Variants in AGXT2 observed in about 807,000 individuals in gnomAD.
AGXT2 encodes alanine--glyoxylate aminotransferase 2, mitochondrial.
In AGXT2, 61 loss-of-function variants were observed where a neutral mutation model predicts 62.5. The observed-to-expected ratio is 0.98, with a 90% CI of 0.79 to 1.21. AGXT2 has a LOEUF of 1.21. Among genes scored for constraint, AGXT2 ranks in the 50% most tolerant of loss-of-function variants. The pLI is 0.00. For synonymous variants in AGXT2, 243 were observed against 218.7 expected (o/e 1.11, Z -0.98); for missense variants, 666 against 641.5 (o/e 1.04, Z -0.41).
intron 3 of AGXT2, among the ~76,000 whole-genome samples, chr5:35,038,813 C>G (rs910547181): frequency 1.3e-5 from 2 of 152,202 alleles, no homozygotes; most frequent in Non-Finnish European, 2.9e-5. Context: ...TGCAGACAAT[C>G]TCTAGATTAA....
Position 34,998,573 on chromosome 5 carries a change from GT to G in AGXT2, c.*145del. 1 of 680,450 alleles carries G rather than the reference GT, an allele frequency of 1.5e-6. No individual in the cohort carries two copies. The highest frequency in any genetic ancestry group is 2.7e-5 in the East Asian group (1 of 37,108). 42.2% of individuals were successfully genotyped at this position (680,450 alleles called of 1,614,324 possible). ...GGGGCTCTGCTAACAAATATGGTTG[GT>G]AGGCAGTCAACCATGACTTTTACAG... is the stretch of plus-strand genomic sequence containing the variant. On this transcript the variant is annotated 3_prime_UTR_variant, in exon 14 of 14. Transcript: ENST00000231420.
rs761563619 is a variant in AGXT2 at position 35,010,110 on chromosome 5, C to A, written c.1228G>T (p.Val410Phe). 13 of 1,614,220 alleles carry A rather than the reference C, an allele frequency of 8.1e-6. No homozygotes were observed. The highest frequency in any genetic ancestry group is 1.3e-5 in the African/African-American group (1 of 75,070). The part of the protein sequence containing the change: ...EENLQENSQE[V>F]GTYMLLKFAK... Reference sequence around the variant, plus strand: ...AACTTTAGTAACATGTAGGTCCCAACTTCTTGACTGTTTTCCTGTAGATTT... The same window carrying A: ...AACTTTAGTAACATGTAGGTCCCAAATTCTTGACTGTTTTCCTGTAGATTT... Residue 410 changes from valine to phenylalanine, a missense_variant, in exon 12 of 14, where the codon GTT (valine) becomes TTT (phenylalanine). Coordinates refer to ENST00000231420, the MANE Select transcript of AGXT2 (RefSeq NM_031900.4).
Position 35,028,874 on chromosome 5 carries a change from G to A in AGXT2, c.770-2364C>T, listed in dbSNP as rs558027897. Among the ~76,000 whole-genome samples, 12 of 152,296 alleles carry A rather than the reference G, an allele frequency of 7.9e-5. No individual in the cohort carries two copies. In the South Asian group the frequency reaches 2.5e-3, roughly 32 times the overall value. ...CCTACCATCCCAGTGCTTGCTTAGAGGCATGGATGCAGTGCTGTCTCCACG... is the reference window on the plus strand; with the variant it reads ...CCTACCATCCCAGTGCTTGCTTAGAAGCATGGATGCAGTGCTGTCTCCACG... On this transcript the variant is annotated intron_variant, in intron 7 of 13. Coordinates refer to ENST00000231420, the MANE Select transcript of AGXT2 (RefSeq NM_031900.4).
At chr5:35,047,423 A>C (rs1248185749) in intron 1 of AGXT2, among the ~76,000 whole-genome samples, 1 of 152,174 alleles carries the variant, frequency 6.6e-6, no homozygotes, top group Non-Finnish European at 1.5e-5. Flanking sequence ...AACCTAGGTG[A>C]CAGAGGGAGA....
chr5:35,005,369 C>T (rs1439359438), intron 12 of AGXT2, among the ~76,000 whole-genome samples: 12 of 152,204 alleles, frequency 7.9e-5, no homozygotes, highest in Non-Finnish European at 1.5e-5. Flanking sequence ...GCTGGGATTA[C>T]AGGCACCTGC....
intron 9 of AGXT2, among the ~76,000 whole-genome samples, chr5:35,022,579 G>C (rs1244989997): frequency 8.3e-6 from 1 of 120,098 alleles, no homozygotes; most frequent in Non-Finnish European, 1.7e-5. Context: ...GTTGTGGGGT[G>C]GGGGGAGGGG....
rs561604320 is a variant in AGXT2 at position 35,031,646 on chromosome 5, A to T, written c.769+1086T>A. Among the ~76,000 whole-genome samples the T allele has an allele frequency of 1.7e-3, 263 of 152,330 alleles. 1 individual carries two copies. Among genetic ancestry groups the T allele is most frequent in the African/African-American group, 5.4e-3 (224 of 41,576 alleles). ...TCCCTCCTGTTAAGCGTAGGTAAAG[A>T]ATGCGAATAAAAATGTGATTGGTAA... On this transcript the variant is annotated intron_variant, in intron 7 of 13. Coordinates refer to ENST00000231420, the MANE Select transcript of AGXT2 (RefSeq NM_031900.4).
Position 35,040,663 on chromosome 5 carries a change from A to G in AGXT2, c.89T>C (p.Leu30Pro), listed in dbSNP as rs777510214. Residue 30 changes from leucine (L) to proline (P), a missense_variant and splice_region_variant, in exon 2 of 14, where the codon CTA becomes CCA. Physicochemically the swap from Leu to Pro is moderately conservative, Grantham distance 98. Transcript: ENST00000231420. ...RILEMHPFLS[L>P]GTSRTSVTKL... The stretch of plus-strand genomic sequence containing the variant: ...GGTTACTGATGTCCGGGAAGTACCT[A>G]CTGAAAGTGAAGTGAGTTAGAATCC... 97 of 1,612,678 alleles carry G rather than the reference A, an allele frequency of 6.0e-5. No individual in the cohort carries two copies. Among genetic ancestry groups the G allele is most frequent in the Non-Finnish European group, 8.1e-5 (95 of 1,178,780 alleles).
chr5:35,026,833 G>C (rs748083436), intron 7 of AGXT2: 2 of 984,712 alleles, frequency 2.0e-6, no homozygotes, highest in Non-Finnish European at 2.4e-6. Context: ...TTCACCTAAG[G>C]ATGCCCGTCC....
intron 12 of AGXT2, among the ~76,000 whole-genome samples, chr5:35,009,037 A>G (rs1580573088): frequency 6.6e-6 from 1 of 152,216 alleles, no homozygotes; most frequent in Admixed American, 6.5e-5. Flanking sequence ...ACAAGGGAAG[A>G]GGAGGAGTCA....
intron 7 of AGXT2, 82 bp from the exon 8 acceptor site, chr5:35,026,592 A>G: frequency 8.1e-7 from 1 of 1,239,512 alleles, no homozygotes; most frequent in Admixed American, 1.9e-5. Context: ...GGGGAAAAAC[A>G]GGAAAAAAAA....
intron 1 of AGXT2, among the ~76,000 whole-genome samples, chr5:35,043,207 T>C (rs975954718): frequency 6.6e-6 from 1 of 152,204 alleles, no homozygotes; most frequent in South Asian, 2.1e-4. Flanking sequence ...TTGGAAACTC[T>C]AGGGAAAATT....
intron 8 of AGXT2, 193 bp from the exon 9 acceptor site, chr5:35,026,048 A>G: frequency 1.6e-6 from 1 of 626,322 alleles, no homozygotes; most frequent in Non-Finnish European, 2.8e-6. Flanking sequence ...TGGAAAAAAG[A>G]TGCAAACATT....
At chr5:35,020,127 G>A (rs936440130) in intron 9 of AGXT2, among the ~76,000 whole-genome samples, 104 of 152,156 alleles carry the variant, frequency 6.8e-4, no homozygotes, top group African/African-American at 2.0e-3. Flanking sequence ...GATTCACAGC[G>A]GAATTCTACC....
intron 9 of AGXT2, among the ~76,000 whole-genome samples, chr5:35,018,485 T>C (rs968609086): frequency 6.6e-6 from 1 of 151,202 alleles, no homozygotes; most frequent in African/African-American, 2.4e-5. Flanking sequence ...GCTTCATAAG[T>C]GAAAGAGAAA....
chr5:35,043,754 A>C (rs997454818), intron 1 of AGXT2, among the ~76,000 whole-genome samples: 1 of 152,110 alleles, frequency 6.6e-6, no homozygotes, highest in African/African-American at 2.4e-5. Context: ...GCAGTGGTGG[A>C]ATCTCTGCTC....
chr5:35,003,918 AT>A, intron 12 of AGXT2, 57 bp from the exon 13 acceptor site: 1 of 1,552,626 alleles, frequency 6.4e-7, no homozygotes, highest in Middle Eastern at 1.8e-4. Flanking sequence ...TAAAGGAATT[AT>A]TTGCAAGAGA....
At chr5:35,009,423 C>A (rs1362465895) in intron 12 of AGXT2, among the ~76,000 whole-genome samples, 1 of 152,050 alleles carries the variant, frequency 6.6e-6, no homozygotes, top group Non-Finnish European at 1.5e-5. Flanking sequence ...TGGCAAAACC[C>A]CATTTCTACT....
intron 1 of AGXT2, among the ~76,000 whole-genome samples, chr5:35,042,735 CCT>C (rs1768030722): frequency 1.7e-5 from 2 of 119,868 alleles, no homozygotes; most frequent in Non-Finnish European, 3.4e-5. Flanking sequence ...CATATGCATA[CCT>C]GTGTGTGTGT....
Sources: allele counts gnomAD v4.1 joint callset (sites outside exome capture counted in the v4.1 genomes callset), GRCh38; gene constraint gnomAD v4.1.1; transcripts MANE v1.5; gene names NCBI Gene and HGNC (gene_info 2026-07-23, HGNC 2026-07-21).